MTA3: variants seen among roughly 807,000 people sequenced by gnomAD.
The protein encoded by MTA3 is metastasis associated 1 family member 3.
A neutral mutation model predicts 83.5 loss-of-function variants in MTA3; 34 were observed. The ratio of observed to expected loss-of-function variants is 0.41; its 90% confidence interval spans 0.31 to 0.54. The LOEUF is 0.54. Among genes scored for constraint, MTA3 ranks in the 20% least tolerant of loss-of-function variants. The pLI is 0.33. For synonymous variants in MTA3, 303 were observed against 252.7 expected, an observed-to-expected ratio of 1.20 and a Z score of -1.89; for missense variants, 761 against 726.4, an observed-to-expected ratio of 1.05 and a Z score of -0.55.
intron 3 of MTA3, among the ~76,000 whole-genome samples, chr2:42,604,098 A>G (rs1682934946): frequency 6.6e-6 from 1 of 150,646 alleles, no homozygotes; most frequent in African/African-American, 2.5e-5. Context: ...CTGGAGTGCA[A>G]TGGCGTGATC....
chr2:42,627,581 T>C (rs1686234125), intron 4 of MTA3, among the ~76,000 whole-genome samples: 1 of 152,050 alleles, frequency 6.6e-6, no homozygotes, highest in African/African-American at 2.4e-5. Context: ...TTTTTAAATT[T>C]GAAACGGAGT....
chr2:42,525,399 C>A (rs187630214), intron 2 of MTA3, among the ~76,000 whole-genome samples: 1 of 151,466 alleles, frequency 6.6e-6, no homozygotes, highest in Admixed American at 6.6e-5. Context: ...GGGATTTCAC[C>A]GTGTTGCCCA....
intron 4 of MTA3, among the ~76,000 whole-genome samples, chr2:42,617,040 G>C (rs1258006175): frequency 6.6e-6 from 1 of 152,016 alleles, no homozygotes; most frequent in African/African-American, 2.4e-5. Flanking sequence ...AAGCTTTTTT[G>C]TATACTCATT....
rs1439788311 is a variant in MTA3, at chr2:42,756,650, C to G, written c.*3251C>G. On this transcript the variant is annotated 3_prime_UTR_variant, in exon 17 of 17. Transcript: ENST00000405094. ...GGGGAGGGAGGGGGAAGCCTTTATT[C>G]TTTACTGTTGTCCCTGTTTTCCTTT... 2 of 985,340 alleles carry G rather than the reference C, an allele frequency of 2.0e-6. No individual in the cohort carries two copies. The highest frequency in any genetic ancestry group is 2.3e-4 in the East Asian group (2 of 8,814). The allele number at this position is 985,340 out of a possible 1,614,324, so 61.0% of individuals were successfully genotyped here.
intron 4 of MTA3, among the ~76,000 whole-genome samples, chr2:42,610,147 C>G (rs1558496519): frequency 6.6e-6 from 1 of 152,016 alleles, no homozygotes; most frequent in Non-Finnish European, 1.5e-5. Context: ...TCGGGCCTTT[C>G]CCGATTGATT....
At chr2:42,675,425 G>A (rs916225629) in intron 8 of MTA3, among the ~76,000 whole-genome samples, 4 of 152,080 alleles carry the variant, frequency 2.6e-5, no homozygotes, top group Admixed American at 6.6e-5. Context: ...GTGAGCCACC[G>A]CACCCAGCCT....
At chr2:42,594,650 AT>A (rs1390806974) in intron 3 of MTA3, among the ~76,000 whole-genome samples, 931 of 59,488 alleles carry the variant, frequency 0.016, 13 homozygotes, top group African/African-American at 0.068. Flanking sequence ...ATATATATAT[AT>A]AAATATATAT....
chr2:42,642,428 G>A (rs1320518783), intron 5 of MTA3, among the ~76,000 whole-genome samples: 1 of 151,998 alleles, frequency 6.6e-6, no homozygotes, highest in Admixed American at 6.6e-5. Flanking sequence ...GGTTGAGGCA[G>A]GAGGATTGCT....
rs573814961 is a variant in MTA3 at position 42,586,477 on chromosome 2, A to AACACACACAC, written c.190+7305_190+7314dup. Among the ~76,000 whole-genome samples, 455 of 72,700 alleles carry AACACACACAC rather than the reference A, an allele frequency of 6.3e-3. 16 individuals are homozygous for AACACACACAC. The highest frequency in any genetic ancestry group is 0.022 in the African/African-American group (366 of 16,786). The allele number at this position is 72,700 out of a possible 152,430, so 47.7% of individuals were successfully genotyped here. On this transcript the variant is annotated intron_variant, in intron 3 of 16. Coordinates refer to ENST00000405094, the MANE Select transcript of MTA3 (RefSeq NM_001330442.2). ...GAAACCGGTACAAAGAAGGAAGGAA[A>AACACACACAC]ACACACACACACACACACACACACA...
intron 8 of MTA3, among the ~76,000 whole-genome samples, chr2:42,674,997 T>G (rs1306869823): frequency 3.3e-5 from 5 of 151,928 alleles, no homozygotes; most frequent in African/African-American, 1.2e-4. Context: ...ATTAAAAAAT[T>G]AATGCTGAGG....
intron 2 of MTA3, 133 bp downstream of exon 2, chr2:42,570,637 T>C: frequency 2.1e-6 from 1 of 468,530 alleles, no homozygotes; most frequent in Non-Finnish European, 3.8e-6. Context: ...GGCGAGTGGA[T>C]AGCTTGAGCC....
chr2:42,687,328 G>A (rs1264681163), intron 9 of MTA3, among the ~76,000 whole-genome samples: 1 of 152,034 alleles, frequency 6.6e-6, no homozygotes, highest in African/African-American at 2.4e-5. Flanking sequence ...TTTTAATTTT[G>A]GTTTCTTTTA....
At chr2:42,500,266 G>A (rs1674335873) in intron 2 of MTA3, among the ~76,000 whole-genome samples, 1 of 152,114 alleles carries the variant, frequency 6.6e-6, no homozygotes, top group African/African-American at 2.4e-5. Context: ...GGACGTGGTG[G>A]TGGGCGCCTG....
At chr2:42,501,992 A>AT (rs1326608625) in intron 2 of MTA3, among the ~76,000 whole-genome samples, 1 of 152,132 alleles carries the variant, frequency 6.6e-6, no homozygotes, top group African/African-American at 2.4e-5. Context: ...AAAAATTAAA[A>AT]TTAAAATTTA....
At chr2:42,713,042 C>A (rs1349207866) in intron 14 of MTA3, among the ~76,000 whole-genome samples, 3 of 152,164 alleles carry the variant, frequency 2.0e-5, no homozygotes, top group Non-Finnish European at 4.4e-5. Context: ...GACTCAGGAT[C>A]CTCACAGACT....
At chr2:42,568,913 G>A in intron 1 of MTA3, 140 bp downstream of exon 1, 2 of 875,706 alleles carry the variant, frequency 2.3e-6, no homozygotes, top group Non-Finnish European at 3.0e-6. Context: ...GGCCCGCAGA[G>A]GGGCCGGGAC....
chr2:42,711,463 C>G (rs941786973), intron 14 of MTA3, among the ~76,000 whole-genome samples: 7 of 152,020 alleles, frequency 4.6e-5, no homozygotes, highest in African/African-American at 1.7e-4. Context: ...ATTCAGAGAG[C>G]ATGTATTATT....
At chr2:42,693,407 C>G (rs1350702678) in intron 9 of MTA3, among the ~76,000 whole-genome samples, 1 of 152,186 alleles carries the variant, frequency 6.6e-6, no homozygotes, top group Non-Finnish European at 1.5e-5. Flanking sequence ...TAGAAATTTG[C>G]CTGATGTTCT....
At chr2:42,705,844 T>C (rs867269607) in intron 12 of MTA3, among the ~76,000 whole-genome samples, 53 of 152,346 alleles carry the variant, frequency 3.5e-4, no homozygotes, top group African/African-American at 1.2e-3. Flanking sequence ...TTTAGACTCA[T>C]GTATTACTAA....
Sources: gnomAD v4.1 joint callset for allele counts (sites outside exome capture counted in the v4.1 genomes callset) on GRCh38, gnomAD v4.1.1 for gene constraint, MANE v1.5 for transcripts, NCBI Gene and HGNC (gene_info 2026-07-23, HGNC 2026-07-21) for gene names.